SPATC1: variants seen among roughly 807,000 people sequenced by gnomAD.
SPATC1 encodes speriolin.
A neutral mutation model predicts 36.5 loss-of-function variants in SPATC1; 35 were observed. The ratio of observed to expected loss-of-function variants is 0.96; its 90% CI spans 0.73 to 1.27. SPATC1 has a LOEUF of 1.27. SPATC1 is among the 50% of genes most tolerant of loss of function. The probability of loss-of-function intolerance (pLI) is 0.00; values close to 1 mark genes in which losing one functional copy is unlikely to be tolerated. For missense variants in SPATC1, 779 were observed against 796.0 expected, an observed-to-expected ratio of 0.98 and a Z score of 0.26; for synonymous variants, 361 against 353.6, an observed-to-expected ratio of 1.02 and a Z score of -0.24.
chr8:144,013,426 A>G (rs1834319590), intron 1 of SPATC1, among the ~76,000 whole-genome samples: 1 of 151,974 alleles, frequency 6.6e-6, no homozygotes, highest in Non-Finnish European at 1.5e-5. Context: ...CAAACTAGAC[A>G]TGTTTCTGAC....
rs1218054975 is a variant in SPATC1 at position 144,016,611 on chromosome 8, G to A, written c.211+3885G>A. Among the ~76,000 whole-genome samples, 5 of 151,892 alleles carry A rather than the reference G, an allele frequency of 3.3e-5. No individual in the cohort carries two copies. Among genetic ancestry groups the A allele is most frequent in the African/African-American group, 1.2e-4 (5 of 41,332 alleles). The stretch of plus-strand genomic sequence containing the variant: ...AAGAAGACACTGATGGTTTTTGTTT[G>A]TTTGTTTGTTTGTTTTTTTGTTTGT... On this transcript the variant is annotated intron_variant, in intron 1 of 4. Transcript: ENST00000377470. This position sits in a 1 kb window ranked among gnomAD's most constrained non-coding sequence, Gnocchi z 4.5.
chr8:144,045,099 T>C lies in SPATC1; in HGVS notation c.1447-1528T>C, dbSNP rs1835223892. Among the ~76,000 whole-genome samples the C allele has an allele frequency of 6.6e-6, 1 of 152,188 alleles. No homozygotes were observed. The highest frequency in any genetic ancestry group is 1.5e-5 in the Non-Finnish European group (1 of 68,036). The stretch of plus-strand genomic sequence containing the variant: ...TACACTCCTGCAGGAGGCACTGTGA[T>C]TTCCTTCCCATCCCAGCAGGGAAAC... On this transcript the variant is annotated intron_variant, in intron 4 of 4. Transcript: ENST00000377470. The surrounding 1 kb of genome is among the most constrained non-coding windows in gnomAD (Gnocchi z 5.2).
chr8:144,035,392 A>G (rs923753101), intron 1 of SPATC1, among the ~76,000 whole-genome samples: 4 of 152,246 alleles, frequency 2.6e-5, no homozygotes, highest in Non-Finnish European at 4.4e-5. Flanking sequence ...GCAGCAGCAC[A>G]TCAGACAGTA....
intron 4 of SPATC1, 74 bp downstream of exon 4, chr8:144,041,445 G>C (rs1292942900): frequency 3.8e-6 from 6 of 1,559,714 alleles, no homozygotes; most frequent in Non-Finnish European, 5.2e-6. Context: ...CTGCACTCTG[G>C]CCAGGCCAAA....
Position 144,046,365 on chromosome 8 carries a change from C to A in SPATC1, c.1447-262C>A, listed in dbSNP as rs1287958940. On this transcript the variant is annotated intron_variant, in intron 4 of 4. Transcript: ENST00000377470. This position sits in a 1 kb window ranked among gnomAD's most constrained non-coding sequence, Gnocchi z 6.6. ...GAGCAGACGACAGGGTTGGGGCATC[C>A]TCTTCCACCCTGTGGCTGAGGCCCT... Among the ~76,000 whole-genome samples the A allele has an allele frequency of 6.6e-6, 1 of 152,158 alleles. No homozygotes were observed. Among genetic ancestry groups the A allele is most frequent in the Non-Finnish European group, 1.5e-5 (1 of 68,006 alleles).
chr8:144,041,490 A>G (rs567120050), intron 4 of SPATC1, 119 bp downstream of exon 4: 7 of 1,305,780 alleles, frequency 5.4e-6, no homozygotes, highest in African/African-American at 1.5e-5. Flanking sequence ...GGGATAGAGG[A>G]AGCTGACTGC....
At chr8:144,028,087 C>A (rs1407031671) in intron 1 of SPATC1, among the ~76,000 whole-genome samples, 2 of 151,968 alleles carry the variant, frequency 1.3e-5, no homozygotes, top group East Asian at 3.9e-4. Context: ...TGTAAAACCC[C>A]AAACAATAAA....
At chr8:144,039,886 C>T (rs1835013427) in intron 1 of SPATC1, 23 bp from the exon 2 acceptor site, 2 of 1,601,442 alleles carry the variant, frequency 1.2e-6, no homozygotes, top group African/African-American at 1.3e-5. Context: ...CCTGGGGTCT[C>T]AGTGCTTTCT....
intron 1 of SPATC1, among the ~76,000 whole-genome samples, chr8:144,023,098 CTTCTCTCAGGACTCCT>C (rs1587496746): frequency 2.1e-5 from 3 of 145,756 alleles, no homozygotes; most frequent in African/African-American, 7.6e-5. Context: ...TCAGGACCCT[CTTCTCTCAGGACTCCT>C]TTCCCTCAGG....
intron 1 of SPATC1, among the ~76,000 whole-genome samples, chr8:144,031,284 A>T (rs1205960698): frequency 2.0e-5 from 3 of 152,052 alleles, no homozygotes; most frequent in African/African-American, 7.2e-5. Context: ...AGTTTTATGG[A>T]ATATAGAATT....
chr8:144,044,283 C>T lies in SPATC1; in HGVS notation c.1447-2344C>T, dbSNP rs143841275. ...ATAGTTGAGCATCTTGGATGCCCTG[C>T]CTTCCCTATTCCTTGAAGGAATTTT... On this transcript the variant is annotated intron_variant, in intron 4 of 4. Transcript: ENST00000377470. 4.4e-3 allele frequency among the ~76,000 whole-genome samples: 650 copies of T among 149,378 alleles called. 3 individuals carry two copies. The highest frequency in any genetic ancestry group is 0.01 in the Middle Eastern group (3 of 294).
chr8:144,032,515 A>T (rs1011322059), intron 1 of SPATC1, among the ~76,000 whole-genome samples: 4 of 152,064 alleles, frequency 2.6e-5, no homozygotes, highest in African/African-American at 9.7e-5. Context: ...TGACCTCATG[A>T]TCTGCCCACC....
At chr8:144,041,587 C>T (rs540030435) in intron 4 of SPATC1, among the ~76,000 whole-genome samples, 2 of 152,344 alleles carry the variant, frequency 1.3e-5, no homozygotes, top group South Asian at 4.1e-4. Context: ...GGGTTTTCAG[C>T]ATGGTCGGGC....
At chr8:144,021,311 C>T (rs1587493919) in intron 1 of SPATC1, among the ~76,000 whole-genome samples, 1 of 147,300 alleles carries the variant, frequency 6.8e-6, no homozygotes, top group Non-Finnish European at 1.5e-5. Context: ...CCTCTTCCCT[C>T]ATGACCCTCT....
At chr8:144,025,766 A>G (rs1834665167) in intron 1 of SPATC1, among the ~76,000 whole-genome samples, 1 of 152,154 alleles carries the variant, frequency 6.6e-6, no homozygotes, top group African/African-American at 2.4e-5. Flanking sequence ...GACTGAGGCC[A>G]TCCCAGTGTG....
Position 144,045,381 on chromosome 8 carries a change from C to T in SPATC1, c.1447-1246C>T, listed in dbSNP as rs1835232125. ...AGAGGTTGACGTCACATTAACCGGG[C>T]CCGGTCCTGAGTCCAGCCCCAAGAC... On this transcript the variant is annotated intron_variant, in intron 4 of 4. Transcript: ENST00000377470. This position sits in a 1 kb window ranked among gnomAD's most constrained non-coding sequence, Gnocchi z 5.2. Among the ~76,000 whole-genome samples, 1 of 152,212 alleles carries T rather than the reference C, an allele frequency of 6.6e-6. No individual in the cohort carries two copies. The highest frequency in any genetic ancestry group is 1.5e-5 in the Non-Finnish European group (1 of 68,034).
At chr8:144,025,785 A>G (rs923143004) in intron 1 of SPATC1, among the ~76,000 whole-genome samples, 46 of 152,152 alleles carry the variant, frequency 3.0e-4, no homozygotes, top group African/African-American at 1.1e-3. Flanking sequence ...TGAGCAGGGC[A>G]TATGCTCCTC....
At chr8:144,018,551 G>A (rs1834437938) in intron 1 of SPATC1, among the ~76,000 whole-genome samples, 1 of 151,996 alleles carries the variant, frequency 6.6e-6, no homozygotes, top group Non-Finnish European at 1.5e-5. Flanking sequence ...ATTATGGGGT[G>A]GGGAGTGCCC....
At chr8:144,044,682 C>T (rs1259101222) in intron 4 of SPATC1, among the ~76,000 whole-genome samples, 1 of 151,710 alleles carries the variant, frequency 6.6e-6, no homozygotes, top group Non-Finnish European at 1.5e-5. Context: ...CATGGTGGCT[C>T]ACGCCTGTCA....
Sources: gnomAD v4.1 joint callset for allele counts (sites outside exome capture counted in the v4.1 genomes callset) on GRCh38, gnomAD v4.1.1 for gene constraint, Gnocchi (gnomAD v3.1) non-coding constraint, MANE v1.5 for transcripts, NCBI Gene and HGNC (gene_info 2026-07-23, HGNC 2026-07-21) for gene names.